Variants in SPDYE10 observed in about 807,000 individuals in gnomAD.
SPDYE10 encodes speedy protein E10.
At chr7:73,123,471 T>C in the SPDYE10 span, among the ~76,000 whole-genome samples, 1 of 152,226 alleles carries the variant, frequency 6.6e-6, no homozygotes, top group Non-Finnish European at 1.5e-5. Flanking sequence ...TTTTCATTCT[T>C]TTGGTGTTTT....
At chr7:73,137,614 GAA>G in the SPDYE10 span, among the ~76,000 whole-genome samples, 4 of 139,804 alleles carry the variant, frequency 2.9e-5, no homozygotes, top group Middle Eastern at 3.2e-3. Context: ...AAGAAAGAAA[GAA>G]AGAAAGAAAG....
chr7:73,104,551 A>G, the SPDYE10 span: 3 of 103,226 alleles, frequency 2.9e-5, 1 homozygote, highest in Non-Finnish European at 6.4e-5. Flanking sequence ...ATTTCAGTAA[A>G]TAAAATATTT....
the SPDYE10 span, among the ~76,000 whole-genome samples, chr7:73,120,632 CA>C: frequency 6.6e-5 from 7 of 106,504 alleles, no homozygotes; most frequent in African/African-American, 3.2e-4. Context: ...ACTAAAAATA[CA>C]AAAAATTAGC....
At chr7:73,149,382 G>T in the SPDYE10 span, among the ~76,000 whole-genome samples, 1 of 143,376 alleles carries the variant, frequency 7.0e-6, no homozygotes, top group Non-Finnish European at 1.5e-5. Flanking sequence ...CCACCTCCTG[G>T]GTTCATGCCA....
chr7:73,123,688 C>A, the SPDYE10 span, among the ~76,000 whole-genome samples: 1 of 152,046 alleles, frequency 6.6e-6, no homozygotes, highest in East Asian at 1.9e-4. Flanking sequence ...GAACTCCTGA[C>A]CTCAAGTGAT....
the SPDYE10 span, among the ~76,000 whole-genome samples, chr7:73,131,239 G>C: frequency 7.2e-6 from 1 of 139,454 alleles, no homozygotes; most frequent in African/African-American, 2.9e-5. Flanking sequence ...TTGAGAGCAA[G>C]AGGCCAGAAG....
chr7:73,114,985 C>T, the SPDYE10 span, among the ~76,000 whole-genome samples: 8 of 152,242 alleles, frequency 5.3e-5, no homozygotes, highest in African/African-American at 1.7e-4. Context: ...CAACCTCCGC[C>T]TCCCGGGTTC....
chr7:73,130,251 C>A, the SPDYE10 span, among the ~76,000 whole-genome samples: 1 of 149,802 alleles, frequency 6.7e-6, no homozygotes. Flanking sequence ...CCCAAGAGTT[C>A]AAGACCAGCC....
the SPDYE10 span, among the ~76,000 whole-genome samples, chr7:73,134,571 G>A: frequency 1.6e-3 from 116 of 74,090 alleles, no homozygotes; most frequent in East Asian, 0.014. Flanking sequence ...GAAAGAAACC[G>A]TGCAGGCAGG....
chr7:73,115,432 G>A, the SPDYE10 span, among the ~76,000 whole-genome samples: 1 of 151,518 alleles, frequency 6.6e-6, no homozygotes, highest in South Asian at 2.1e-4. Context: ...CCTGGAGGGT[G>A]CCAGGCATGT....
chr7:73,135,698 T>G, the SPDYE10 span, among the ~76,000 whole-genome samples: 1 of 79,940 alleles, frequency 1.3e-5, no homozygotes, highest in Non-Finnish European at 2.5e-5. Context: ...CTAATTTTTG[T>G]AGCTGGGACT....
chr7:73,147,909 C>T, the SPDYE10 span, among the ~76,000 whole-genome samples: 13 of 151,126 alleles, frequency 8.6e-5, no homozygotes, highest in African/African-American at 2.2e-4. Context: ...CCGGTTCAAG[C>T]GATTCTCCTG....
At chr7:73,123,825 C>CTCTCTT in the SPDYE10 span, among the ~76,000 whole-genome samples, 33 of 151,284 alleles carry the variant, frequency 2.2e-4, no homozygotes, top group South Asian at 6.9e-3. Flanking sequence ...CTCTCTCTCT[C>CTCTCTT]TCTGGCTGGA....
chr7:73,145,134 T>C, the SPDYE10 span, among the ~76,000 whole-genome samples: 10 of 145,512 alleles, frequency 6.9e-5, no homozygotes, highest in Non-Finnish European at 1.2e-4. Context: ...TTTTCTTTCT[T>C]TCTTTCTCTT....
chr7:73,142,808 C>T, the SPDYE10 span, among the ~76,000 whole-genome samples: 3 of 152,036 alleles, frequency 2.0e-5, no homozygotes, highest in Non-Finnish European at 4.4e-5. Context: ...TGGTGGGCGC[C>T]TGTAGTCCCA....
the SPDYE10 span, among the ~76,000 whole-genome samples, chr7:73,124,516 C>A: frequency 6.6e-6 from 1 of 151,948 alleles, no homozygotes; most frequent in African/African-American, 2.4e-5. Flanking sequence ...GCATAGTATT[C>A]ATCACAGCTG....
chr7:73,116,916 G>A, the SPDYE10 span, among the ~76,000 whole-genome samples: 1 of 151,220 alleles, frequency 6.6e-6, no homozygotes, highest in Admixed American at 6.6e-5. Flanking sequence ...TTTTTTTTGA[G>A]ACAGAGTCTC....
the SPDYE10 span, among the ~76,000 whole-genome samples, chr7:73,132,409 T>C: frequency 6.6e-6 from 1 of 152,050 alleles, no homozygotes; most frequent in Non-Finnish European, 1.5e-5. Flanking sequence ...TAGCCAGGCA[T>C]GGTGGTATGT....
the SPDYE10 span, among the ~76,000 whole-genome samples, chr7:73,130,303 A>G: frequency 5.3e-5 from 8 of 152,056 alleles, no homozygotes; most frequent in South Asian, 4.1e-4. Context: ...TTAAAAAAAA[A>G]AAAAAAATCA....
Sources: allele counts gnomAD v4.1 joint callset (sites outside exome capture counted in the v4.1 genomes callset), GRCh38; gene constraint gnomAD v4.1.1; transcripts MANE v1.5; gene names NCBI Gene and HGNC (gene_info 2026-07-23, HGNC 2026-07-21).